The following NRBP2 variants were observed in gnomAD, a reference collection of about 807,000 sequenced individuals.
The protein encoded by NRBP2 is nuclear receptor binding protein 2, also known as nuclear receptor-binding protein 2.
NRBP2 carries 47 observed loss-of-function variants against 74.4 expected under a neutral mutation model. The ratio of observed to expected loss-of-function variants is 0.63; its 90% CI spans 0.50 to 0.81. NRBP2 has a LOEUF of 0.81. Ranked by LOEUF, NRBP2 falls within the 30% of genes least tolerant of loss-of-function variation. The pLI, the probability that NRBP2 is intolerant of heterozygous loss-of-function variation, is 0.00. For missense variants in NRBP2, 613 were observed against 690.1 expected, an observed-to-expected ratio of 0.89 and a Z score of 1.25; for synonymous variants, 312 against 273.8, an observed-to-expected ratio of 1.14 and a Z score of -1.38.
In NRBP2 at chr8:143,835,708, G is replaced by T. The variant is rs1586649785; in HGVS notation, c.1460C>A (p.Ala487Asp). Residue 487 changes from alanine to aspartate, a missense_variant, in exon 18 of 18, where the codon GCC becomes GAC. Ala to Asp is a moderately radical substitution (Grantham distance 126). Around this residue, in one of 2 missense-constraint regions of NRBP2, gnomAD observed 281 missense variants for 260.9 expected, o/e 1.08. Coordinates refer to ENST00000442628, the MANE Select transcript of NRBP2 (RefSeq NM_178564.4). This position sits in a 1 kb window ranked among gnomAD's most constrained non-coding sequence, Gnocchi z 4.9. ...LHEDDRMKLA[A>D]FLESTFLKYR... The stretch of plus-strand genomic sequence containing the variant: ...CTTGAGGAAGGTGCTCTCCAGGAAG[G>T]CGGCCAGCTTCATCCGGTCGTCCTG... 2 of 1,601,062 alleles carry T rather than the reference G, an allele frequency of 1.2e-6. No individual in the cohort carries two copies. Among genetic ancestry groups the T allele is most frequent in the South Asian group, 2.2e-5 (2 of 89,314 alleles).
At position 143,838,918 on chromosome 8, in the gene NRBP2, C is replaced by T. The variant is rs1554652667; in HGVS notation, c.709G>A (p.Val237Met). 6.2e-7 allele frequency: 1 copy of T among 1,611,082 alleles called. No individual in the cohort carries two copies. The highest frequency in any genetic ancestry group is 8.5e-7 in the Non-Finnish European group (1 of 1,178,674). The stretch of plus-strand genomic sequence containing the variant: ...CACATCCCAAAGGAGAAGATGTCCA[C>T]AGCGGTCCCATCGGCCACCTCTGAA... Reference protein sequence around the residue: ...EYGEVADGTAVDIFSFGMCAL... With the variant: ...EYGEVADGTAMDIFSFGMCAL... Residue 237 changes from valine to methionine, a missense_variant, in exon 9 of 18, where the codon GTG (valine) becomes ATG (methionine). Coordinates refer to ENST00000442628, the MANE Select transcript of NRBP2 (RefSeq NM_178564.4).
At chr8:143,830,094 C>T (rs1202015238), downstream of NRBP2, among the ~76,000 whole-genome samples, 9 of 152,382 alleles carry the variant, frequency 5.9e-5, no homozygotes, top group East Asian at 1.3e-3. Flanking sequence ...GGCAGGCCTC[C>T]TTTCAACCCT....
At chr8:143,830,842 A>G (rs1554650082), downstream of NRBP2, among the ~76,000 whole-genome samples, 2 of 152,278 alleles carry the variant, frequency 1.3e-5, no homozygotes, top group African/African-American at 4.8e-5. Flanking sequence ...ACTGGGGGCT[A>G]TAGAGAAAGA....
Position 143,835,371 on chromosome 8 carries a change from A to T in NRBP2, c.*291T>A, listed in dbSNP as rs782386363. On this transcript the variant is annotated 3_prime_UTR_variant, in exon 18 of 18. Coordinates refer to ENST00000442628, the MANE Select transcript of NRBP2 (RefSeq NM_178564.4). The surrounding 1 kb of genome is among the most constrained non-coding windows in gnomAD (Gnocchi z 4.9). The stretch of plus-strand genomic sequence containing the variant: ...GAGGAGGCAGTGGCCCCGGCCAGGC[A>T]GCCTGGGTAGGAACTCAGGGCGGAG... 15 of 526,812 alleles carry T rather than the reference A, an allele frequency of 2.8e-5. No homozygotes were observed. Among genetic ancestry groups the T allele is most frequent in the Non-Finnish European group, 5.1e-5 (15 of 294,514 alleles). 32.6% of individuals were successfully genotyped at this position (526,812 alleles called of 1,614,324 possible).
downstream of NRBP2, among the ~76,000 whole-genome samples, chr8:143,831,063 G>A (rs1440722169): frequency 6.6e-6 from 1 of 152,192 alleles, no homozygotes; most frequent in Non-Finnish European, 1.5e-5. Flanking sequence ...GTGGGGGGCT[G>A]GTCTGCCACC....
rs782516146 is a variant in NRBP2, at chr8:143,837,032, G to T, written c.1263+7C>A. ...GATGGCACTGAGCAGCAGGAGAGGG[G>T]ACTCACCTTTCTGGTCTCAGAGTCA... On this transcript the variant is annotated splice_region_variant and intron_variant, in intron 14 of 17. Coordinates refer to ENST00000442628, the MANE Select transcript of NRBP2 (RefSeq NM_178564.4). This position sits in a 1 kb window ranked among gnomAD's most constrained non-coding sequence, Gnocchi z 4.3. The T allele has an allele frequency of 6.8e-6, 11 of 1,608,068 alleles. No homozygotes were observed. The South Asian group carries it at 1.1e-4, about 16-fold the overall frequency.
intron 10 of NRBP2, chr8:143,838,204 C>A: frequency 2.6e-6 from 1 of 381,142 alleles, no homozygotes; most frequent in Admixed American, 4.0e-5. Flanking sequence ...GTCTAGACTC[C>A]GAGCAGAGGG....
downstream of NRBP2, among the ~76,000 whole-genome samples, chr8:143,830,105 G>A (rs1554649686): frequency 1.3e-5 from 2 of 152,204 alleles, no homozygotes; most frequent in Non-Finnish European, 2.9e-5. Context: ...TTTCAACCCT[G>A]GGAACATTTA....
rs1207933215 is a variant in NRBP2, at chr8:143,839,572, G to C, written c.445-23C>G. ...GGCCTGGCGGCGGACGCACGACTCC[G>C]TCGGTCGGGTGGGCGCAGGAGAGGC... On this transcript the variant is annotated intron_variant, in intron 4 of 17. Coordinates refer to ENST00000442628, the MANE Select transcript of NRBP2 (RefSeq NM_178564.4). The surrounding 1 kb of genome is among the most constrained non-coding windows in gnomAD (Gnocchi z 5.1). The C allele has an allele frequency of 6.5e-7, 1 of 1,527,388 alleles. No individual in the cohort carries two copies. The highest frequency in any genetic ancestry group is 8.7e-7 in the Non-Finnish European group (1 of 1,143,114). The allele number at this position is 1,527,388 out of a possible 1,614,324, so 94.6% of individuals were successfully genotyped here. A position where few individuals can be genotyped will look rare whatever the true frequency, so the allele number is the denominator to read the frequency against.
Position 143,840,567 on chromosome 8 carries a change from C to T in NRBP2, c.129+139G>A. ...CCAGGCCAAAGGGGTCCAGGGGTGGCTGATTCGCGGGCCGCGAGGGGCCGC... is the reference window on the plus strand; with the variant it reads ...CCAGGCCAAAGGGGTCCAGGGGTGGTTGATTCGCGGGCCGCGAGGGGCCGC... On this transcript the variant is annotated intron_variant, in intron 1 of 17. Transcript: ENST00000442628. This position sits in a 1 kb window ranked among gnomAD's most constrained non-coding sequence, Gnocchi z 5.7. 1.1e-6 allele frequency: 1 copy of T among 893,336 alleles called. No individual in the cohort carries two copies. The highest frequency in any genetic ancestry group is 1.6e-6 in the Non-Finnish European group (1 of 625,334). 55.3% of individuals were successfully genotyped at this position (893,336 alleles called of 1,614,324 possible). A position where few individuals can be genotyped will look rare whatever the true frequency, so the allele number is the denominator to read the frequency against.
chr8:143,840,524 G>A lies in NRBP2; in HGVS notation c.129+182C>T, dbSNP rs1026723598. Reference sequence around the variant, plus strand: ...GTCCTGGGAGGAGACTGGCCCTCAGGGAGTCCCAGGGCGAGCGCCAGGCCA... The same window carrying A: ...GTCCTGGGAGGAGACTGGCCCTCAGAGAGTCCCAGGGCGAGCGCCAGGCCA... On this transcript the variant is annotated intron_variant, in intron 1 of 17. Transcript: ENST00000442628. The surrounding 1 kb of genome is among the most constrained non-coding windows in gnomAD (Gnocchi z 5.7). The A allele has an allele frequency of 3.0e-6, 2 of 672,892 alleles. No individual in the cohort carries two copies. The highest frequency in any genetic ancestry group is 4.8e-6 in the Non-Finnish European group (2 of 412,672). The allele number at this position is 672,892 out of a possible 1,614,324, so 41.7% of individuals were successfully genotyped here. A position where few individuals can be genotyped will look rare whatever the true frequency, so the allele number is the denominator to read the frequency against.
At position 143,839,631 on chromosome 8, in the gene NRBP2, C is replaced by A. The variant is rs1176380227; in HGVS notation, c.445-82G>T. On this transcript the variant is annotated intron_variant, in intron 4 of 17. Transcript: ENST00000442628. This position sits in a 1 kb window ranked among gnomAD's most constrained non-coding sequence, Gnocchi z 5.1. Reference sequence around the variant, plus strand: ...CTGCGGAGCCCGCCCCGCATCCTCGCCCAGCCCCTGTCCGAGGCCGCCGGG... The same window carrying A: ...CTGCGGAGCCCGCCCCGCATCCTCGACCAGCCCCTGTCCGAGGCCGCCGGG... The A allele has an allele frequency of 3.3e-6, 5 of 1,510,036 alleles. No individual in the cohort carries two copies. In the African/African-American group the frequency reaches 6.9e-5, roughly 21 times the overall value. 93.5% of individuals were successfully genotyped at this position (1,510,036 alleles called of 1,614,324 possible).
chr8:143,840,498 G>T lies in NRBP2; in HGVS notation c.129+208C>A. 1 of 653,484 alleles carries T rather than the reference G, an allele frequency of 1.5e-6. No homozygotes were observed. Among genetic ancestry groups the T allele is most frequent in the Non-Finnish European group, 2.5e-6 (1 of 392,208 alleles). 40.5% of individuals were successfully genotyped at this position (653,484 alleles called of 1,614,324 possible). On this transcript the variant is annotated intron_variant, in intron 1 of 17. Transcript: ENST00000442628. This position sits in a 1 kb window ranked among gnomAD's most constrained non-coding sequence, Gnocchi z 5.7. ...GCTGAGTCCAGAGGCATGGGGAGGT[G>T]GTCCTGGGAGGAGACTGGCCCTCAG...
At chr8:143,838,815 C>A in intron 9 of NRBP2, 40 bp from the exon 10 acceptor site, 1 of 1,611,606 alleles carries the variant, frequency 6.2e-7, no homozygotes, top group South Asian at 1.1e-5. Flanking sequence ...GAAGGGACCA[C>A]ACAGGTGAGC....
chr8:143,840,362 G>A lies in NRBP2; in HGVS notation c.130-133C>T. On this transcript the variant is annotated intron_variant, in intron 1 of 17. Coordinates refer to ENST00000442628, the MANE Select transcript of NRBP2 (RefSeq NM_178564.4). This position sits in a 1 kb window ranked among gnomAD's most constrained non-coding sequence, Gnocchi z 5.7. ...CCCTGAGCCACTCTGCGGGAAGGTG[G>A]GGCTTGGAGGGTAGCTGCCCCCAGG... 8.2e-7 allele frequency: 1 copy of A among 1,225,004 alleles called. No individual in the cohort carries two copies. 75.9% of individuals were successfully genotyped at this position (1,225,004 alleles called of 1,614,324 possible).
chr8:143,835,345 TGAG>T lies in NRBP2; in HGVS notation c.*314_*316del. ...CCCTACAGGGCAGCCTCCTGCATGC[TGAG>T]GAGGCAGTGGCCCCGGCCAGGCAGC... On this transcript the variant is annotated 3_prime_UTR_variant, in exon 18 of 18. Transcript: ENST00000442628. This position sits in a 1 kb window ranked among gnomAD's most constrained non-coding sequence, Gnocchi z 4.9. The T allele has an allele frequency of 2.1e-6, 1 of 477,828 alleles. No homozygotes were observed. The highest frequency in any genetic ancestry group is 3.8e-6 in the Non-Finnish European group (1 of 264,780). The allele number at this position is 477,828 out of a possible 1,614,324, so 29.6% of individuals were successfully genotyped here.
At position 143,840,612 on chromosome 8, in the gene NRBP2, G is replaced by T; in HGVS notation, c.129+94C>A. On this transcript the variant is annotated intron_variant, in intron 1 of 17. Coordinates refer to ENST00000442628, the MANE Select transcript of NRBP2 (RefSeq NM_178564.4). The surrounding 1 kb of genome is among the most constrained non-coding windows in gnomAD (Gnocchi z 5.7). ...GGCCGCGGAGAGGTTTCCAGCCGCC[G>T]CGCTCTCCCAGCGCCCCCACGCCCC... 1 of 1,212,586 alleles carries T rather than the reference G, an allele frequency of 8.2e-7. No individual in the cohort carries two copies. Among genetic ancestry groups the T allele is most frequent in the Non-Finnish European group, 1.1e-6 (1 of 920,872 alleles). 75.1% of individuals were successfully genotyped at this position (1,212,586 alleles called of 1,614,324 possible).
At position 143,835,545 on chromosome 8, in the gene NRBP2, C is replaced by T. The variant is rs781873731; in HGVS notation, c.*117G>A. 33 of 862,902 alleles carry T rather than the reference C, an allele frequency of 3.8e-5. No individual in the cohort carries two copies. The highest frequency in any genetic ancestry group is 5.2e-5 in the Non-Finnish European group (29 of 558,310). The allele number at this position is 862,902 out of a possible 1,614,324, so 53.5% of individuals were successfully genotyped here. On this transcript the variant is annotated 3_prime_UTR_variant, in exon 18 of 18. Transcript: ENST00000442628. This position sits in a 1 kb window ranked among gnomAD's most constrained non-coding sequence, Gnocchi z 4.9. ...AGGAGACGGGGGGTTCCTTCACTAC[C>T]GGGGCCTTTGTGCTCCCAGGCGCAT...
chr8:143,840,285 G>C lies in NRBP2; in HGVS notation c.130-56C>G. ...TGGTGTGTGTCAGGGTTGTGGGTGA[G>C]GATTTGGTCCCTGTCCACACCTTTC... On this transcript the variant is annotated intron_variant, in intron 1 of 17. Coordinates refer to ENST00000442628, the MANE Select transcript of NRBP2 (RefSeq NM_178564.4). The surrounding 1 kb of genome is among the most constrained non-coding windows in gnomAD (Gnocchi z 5.7). 1 of 1,529,924 alleles carries C rather than the reference G, an allele frequency of 6.5e-7. No homozygotes were observed. The highest frequency in any genetic ancestry group is 8.7e-7 in the Non-Finnish European group (1 of 1,143,324). 94.8% of individuals were successfully genotyped at this position (1,529,924 alleles called of 1,614,324 possible). A position where few individuals can be genotyped will look rare whatever the true frequency, so the allele number is the denominator to read the frequency against.
Sources: gnomAD v4.1 joint callset for allele counts (sites outside exome capture counted in the v4.1 genomes callset) on GRCh38, gnomAD v4.1.1 for gene constraint, gnomAD v4.1.1 regional missense constraint, Gnocchi (gnomAD v3.1) non-coding constraint, MANE v1.5 for transcripts, NCBI Gene and HGNC (gene_info 2026-07-23, HGNC 2026-07-21) for gene names.